SCN8A: variants seen among roughly 807,000 people sequenced by gnomAD.
SCN8A encodes sodium channel protein type 8 subunit alpha.
In SCN8A, 30 loss-of-function variants were observed where a neutral mutation model predicts 184.1. That is an observed-to-expected ratio of 0.16 (90% confidence interval 0.12 to 0.22). The LOEUF is 0.22. Among genes scored for constraint, SCN8A ranks in the 10% least tolerant of loss-of-function variants. The pLI is 1.00. For missense variants in SCN8A, 1,057 were observed against 2,498.9 expected (o/e 0.42, Z 12.30); for synonymous variants, 852 against 907.0 (o/e 0.94, Z 1.09).
At position 51,809,152 on chromosome 12, in the gene SCN8A, T is replaced by C. The variant is rs1938810510; in HGVS notation, c.*1723T>C. 1 of 152,232 alleles carries C rather than the reference T, an allele frequency of 6.6e-6. No individual in the cohort carries two copies. Among genetic ancestry groups the C allele is most frequent in the Non-Finnish European group, 1.5e-5 (1 of 68,046 alleles). 9.4% of individuals were successfully genotyped at this position (152,232 alleles called of 1,614,324 possible). A position where few individuals can be genotyped will look rare whatever the true frequency, so the allele number is the denominator to read the frequency against. ...AAGTGTGGCTTCTGGGGGAGCGTCA[T>C]ATCTTCCATTCCATCTCCTGCTTTA... is the stretch of plus-strand genomic sequence containing the variant. On this transcript the variant is annotated 3_prime_UTR_variant, in exon 27 of 27. Coordinates refer to ENST00000627620, the MANE Select transcript of SCN8A (RefSeq NM_001330260.2).
intron 2 of SCN8A, among the ~76,000 whole-genome samples, chr12:51,663,634 C>A (rs1940968986): frequency 6.6e-6 from 1 of 152,212 alleles, no homozygotes; most frequent in South Asian, 2.1e-4. Flanking sequence ...TGGATTGATT[C>A]TTCCAGCACT....
intron 1 of SCN8A, among the ~76,000 whole-genome samples, chr12:51,646,048 T>C (rs185053148): frequency 1.4e-5 from 2 of 147,032 alleles, no homozygotes; most frequent in Admixed American, 1.3e-4. Context: ...ATGTATCAGC[T>C]CATTTAACCC....
chr12:51,686,587 G>C (rs1941424565), intron 4 of SCN8A, 130 bp downstream of exon 4: 3 of 651,146 alleles, frequency 4.6e-6, no homozygotes, highest in Admixed American at 5.5e-5. Flanking sequence ...CACAGAGAAG[G>C]CTGAAAGTAC....
At chr12:51,606,884 T>TTATA (rs1939605084) in intron 1 of SCN8A, among the ~76,000 whole-genome samples, 1 of 151,230 alleles carries the variant, frequency 6.6e-6, no homozygotes, top group Admixed American at 6.6e-5. Flanking sequence ...GGTTGAGTTT[T>TTATA]TATATATATT....
chr12:51,795,922 C>T (rs1333881226), intron 26 of SCN8A, among the ~76,000 whole-genome samples: 1 of 151,090 alleles, frequency 6.6e-6, no homozygotes, highest in African/African-American at 2.4e-5. Context: ...TGATACGTGC[C>T]TGTAGTCCCA....
At chr12:51,746,783 CCA>C (rs1942517865) in intron 13 of SCN8A, among the ~76,000 whole-genome samples, 1 of 152,142 alleles carries the variant, frequency 6.6e-6, no homozygotes, top group Non-Finnish European at 1.5e-5. Context: ...CAGCTCCTCT[CCA>C]GTTATGGTCT....
Position 51,806,814 on chromosome 12 carries a change from T to G in SCN8A, c.5328T>G (p.Ser1776Arg). 6.2e-7 allele frequency: 1 copy of G among 1,614,206 alleles called. No individual in the cohort carries two copies. Among genetic ancestry groups the G allele is most frequent in the Non-Finnish European group, 8.5e-7 (1 of 1,180,036 alleles). Reference sequence around the variant, plus strand: ...ACTTCAGTGTAGCCACAGAGGAAAGTGCAGACCCTCTGAGTGAGGATGACT... The same window carrying G: ...ACTTCAGTGTAGCCACAGAGGAAAGGGCAGACCCTCTGAGTGAGGATGACT... ...LENFSVATEE[S>R]ADPLSEDDFE... is the part of the protein sequence containing the mutation. Residue 1776 changes from serine to arginine, a missense_variant, in exon 27 of 27, where the codon AGT becomes AGG. Physicochemically the swap from Ser to Arg is moderately radical, Grantham distance 110 (BLOSUM62 -1). Coordinates refer to ENST00000627620, the MANE Select transcript of SCN8A (RefSeq NM_001330260.2). The surrounding 1 kb of genome is among the most constrained non-coding windows in gnomAD (Gnocchi z 8.7).
At chr12:51,596,574 C>T (rs932043997) in intron 1 of SCN8A, among the ~76,000 whole-genome samples, 1 of 152,060 alleles carries the variant, frequency 6.6e-6, no homozygotes, top group African/African-American at 2.4e-5. Context: ...CTAAACATAT[C>T]TTAGTGAGTG....
At chr12:51,703,064 A>C (rs1309853109) in intron 9 of SCN8A, 150 bp downstream of exon 9, 13 of 761,070 alleles carry the variant, frequency 1.7e-5, no homozygotes, top group Non-Finnish European at 2.6e-5. Flanking sequence ...ATATTAAGTG[A>C]ATTCTCTCAG....
chr12:51,645,398 G>A (rs1012817675), intron 1 of SCN8A, among the ~76,000 whole-genome samples: 246 of 151,922 alleles, frequency 1.6e-3, no homozygotes, highest in African/African-American at 5.6e-3. Context: ...CTGCCCGGCC[G>A]CGCCTACTGG....
chr12:51,787,691 A>G (rs1176147634), intron 22 of SCN8A, among the ~76,000 whole-genome samples: 2 of 152,240 alleles, frequency 1.3e-5, no homozygotes, highest in Non-Finnish European at 1.5e-5. Context: ...TTTTGTTACT[A>G]TATTTCCATG....
chr12:51,665,000 G>A (rs1347227102), intron 2 of SCN8A, among the ~76,000 whole-genome samples: 1 of 152,158 alleles, frequency 6.6e-6, no homozygotes, highest in African/African-American at 2.4e-5. Context: ...TTCTGTTCCT[G>A]TGTTAGTTTG....
chr12:51,759,805 A>G (rs535774289), intron 14 of SCN8A, among the ~76,000 whole-genome samples: 3 of 152,382 alleles, frequency 2.0e-5, no homozygotes, highest in African/African-American at 4.8e-5. Flanking sequence ...TGGGTAATTT[A>G]TAACAGACAG....
At chr12:51,759,006 A>G (rs892439123) in intron 14 of SCN8A, among the ~76,000 whole-genome samples, 72 of 150,834 alleles carry the variant, frequency 4.8e-4, no homozygotes, top group African/African-American at 1.7e-3. Context: ...GTGTGTATAT[A>G]TATATATACG....
intron 2 of SCN8A, among the ~76,000 whole-genome samples, chr12:51,677,886 T>A (rs1239153617): frequency 2.0e-5 from 3 of 152,214 alleles, no homozygotes; most frequent in Non-Finnish European, 4.4e-5. Flanking sequence ...TTTTAACTCA[T>A]TTACTTCACA....
intron 3 of SCN8A, among the ~76,000 whole-genome samples, chr12:51,684,722 T>G (rs1040160858): frequency 6.6e-6 from 1 of 152,166 alleles, no homozygotes; most frequent in Non-Finnish European, 1.5e-5. Context: ...TTTTAAAAAA[T>G]TTTTTGAGCA....
chr12:51,709,421 A>T lies in SCN8A; in HGVS notation c.1635+2706A>T, dbSNP rs547488846. Among the ~76,000 whole-genome samples the T allele has an allele frequency of 5.9e-5, 9 of 152,336 alleles. 1 individual carries two copies. The South Asian group carries it at 1.9e-3, about 32-fold the overall frequency. On this transcript the variant is annotated intron_variant, in intron 11 of 26. Transcript: ENST00000627620. ...AGATGGAGTTCAGGAAAGAAAACGG[A>T]TAAACAGTGTTAGAGAAGCTGAGAG...
At chr12:51,689,803 T>C (rs1255245827) in intron 6 of SCN8A, 4 of 152,184 alleles carry the variant, frequency 2.6e-5, no homozygotes, top group Non-Finnish European at 4.4e-5. Flanking sequence ...ACTAAAGGTA[T>C]GGGCAACAAA....
intron 21 of SCN8A, among the ~76,000 whole-genome samples, chr12:51,784,320 G>A (rs1015973743): frequency 1.3e-5 from 2 of 152,132 alleles, no homozygotes; most frequent in African/African-American, 2.4e-5. Flanking sequence ...TTTGGAGGCC[G>A]GGATGGGTGG....
Sources: gnomAD v4.1 joint callset for allele counts (sites outside exome capture counted in the v4.1 genomes callset) on GRCh38, gnomAD v4.1.1 for gene constraint, Gnocchi (gnomAD v3.1) non-coding constraint, MANE v1.5 for transcripts, NCBI Gene and HGNC (gene_info 2026-07-23, HGNC 2026-07-21) for gene names.